The following CTXND1 variants were observed in gnomAD, a reference collection of about 807,000 sequenced individuals.
The protein encoded by CTXND1 is cortexin domain-containing 1 protein.
At chr15:80,202,280 C>A (rs1893082600) in intron 2 of CTXND1, among the ~76,000 whole-genome samples, 1 of 151,852 alleles carries the variant, frequency 6.6e-6, no homozygotes, top group Non-Finnish European at 1.5e-5. Flanking sequence ...AGATGAGTCC[C>A]AGCAGGCATG....
intron 1 of CTXND1, among the ~76,000 whole-genome samples, chr15:80,248,631 C>T (rs751433186): frequency 3.3e-5 from 5 of 152,142 alleles, no homozygotes; most frequent in Non-Finnish European, 5.9e-5. Context: ...GAGGGAGGTG[C>T]GACAAATGTA....
chr15:80,207,412 G>C (rs1363508642), intron 1 of CTXND1, among the ~76,000 whole-genome samples: 1 of 151,714 alleles, frequency 6.6e-6, no homozygotes, highest in East Asian at 1.9e-4. Context: ...TTTCCCTTCA[G>C]CCATACTTTT....
At chr15:80,214,320 T>C (rs1035190334) in intron 1 of CTXND1, among the ~76,000 whole-genome samples, 20 of 152,184 alleles carry the variant, frequency 1.3e-4, no homozygotes, top group African/African-American at 4.6e-4. Context: ...ATTTGAATAA[T>C]ACAATTAATT....
chr15:80,232,572 G>A (rs1893443291), intron 1 of CTXND1, among the ~76,000 whole-genome samples: 1 of 152,094 alleles, frequency 6.6e-6, no homozygotes, highest in Admixed American at 6.5e-5. Context: ...TGGCACAAAC[G>A]CTCTTGCTCA....
intron 1 of CTXND1, among the ~76,000 whole-genome samples, chr15:80,211,436 C>T (rs967072399): frequency 6.6e-6 from 1 of 152,284 alleles, no homozygotes; most frequent in African/African-American, 2.4e-5. Flanking sequence ...ATGGCATTTG[C>T]TCAGGACAGA....
chr15:80,237,374 A>G (rs1893514519), intron 1 of CTXND1, among the ~76,000 whole-genome samples: 1 of 151,476 alleles, frequency 6.6e-6, no homozygotes, highest in Non-Finnish European at 1.5e-5. Context: ...AAAAGAAAAC[A>G]GTGAATTATA....
At chr15:80,238,486 G>GGTT (rs1567134580) in intron 1 of CTXND1, among the ~76,000 whole-genome samples, 1 of 133,630 alleles carries the variant, frequency 7.5e-6, no homozygotes, top group Non-Finnish European at 1.6e-5. Context: ...AACCATGTTT[G>GGTT]TTTTTTTTTT....
At chr15:80,226,976 C>T (rs187295192) in intron 1 of CTXND1, among the ~76,000 whole-genome samples, 1 of 152,282 alleles carries the variant, frequency 6.6e-6, no homozygotes, top group East Asian at 1.9e-4. Context: ...TTTTCCCCAT[C>T]TCTTTGCTCT....
intron 1 of CTXND1, among the ~76,000 whole-genome samples, chr15:80,220,805 ATTAG>A (rs1424948522): frequency 6.6e-5 from 10 of 151,774 alleles, no homozygotes; most frequent in Non-Finnish European, 1.3e-4. Context: ...ACACCTTATA[ATTAG>A]TTATTGTTGG....
rs1383530237 is a variant in CTXND1 at position 80,197,509 on chromosome 15, A to T, written c.*4261T>A. 1.3e-5 allele frequency: 2 copies of T among 152,294 alleles called. No homozygotes were observed. Among genetic ancestry groups the T allele is most frequent in the Non-Finnish European group, 2.9e-5 (2 of 68,094 alleles). The allele number at this position is 152,294 out of a possible 1,614,324, so 9.4% of individuals were successfully genotyped here. ...GCCAAGACACTGAAAAGTCCCAAGG[A>T]GAACCCTCCTAAAGGGAGAGAGTCT... On this transcript the variant is annotated 3_prime_UTR_variant, in exon 3 of 3. Transcript: ENST00000560778.
At chr15:80,239,204 G>A (rs1893537269) in intron 1 of CTXND1, among the ~76,000 whole-genome samples, 1 of 152,128 alleles carries the variant, frequency 6.6e-6, no homozygotes, top group Non-Finnish European at 1.5e-5. Context: ...CCCTCCCTGA[G>A]CCCCACAGTC....
intron 1 of CTXND1, among the ~76,000 whole-genome samples, chr15:80,204,143 T>C (rs767442040): frequency 3.7e-4 from 2 of 5,424 alleles, no homozygotes; most frequent in African/African-American, 4.5e-4. Flanking sequence ...CAAGACTGTG[T>C]CTCAAAAAAA....
At chr15:80,244,224 T>C (rs1893603836) in intron 1 of CTXND1, among the ~76,000 whole-genome samples, 1 of 152,218 alleles carries the variant, frequency 6.6e-6, no homozygotes, top group African/African-American at 2.4e-5. Context: ...GCTAATGCCT[T>C]CTTTCCTCTG....
intron 1 of CTXND1, among the ~76,000 whole-genome samples, chr15:80,238,883 T>C (rs976437624): frequency 2.0e-5 from 3 of 152,226 alleles, no homozygotes; most frequent in Non-Finnish European, 4.4e-5. Context: ...CTACACTGTA[T>C]AGCCTAGGTG....
At chr15:80,203,913 T>C (rs1893114749) in intron 1 of CTXND1, among the ~76,000 whole-genome samples, 173 bp from the exon 2 acceptor site, 1 of 151,694 alleles carries the variant, frequency 6.6e-6, no homozygotes, top group Non-Finnish European at 1.5e-5. Flanking sequence ...TTCAAGTCTG[T>C]AATCCCAGCA....
intron 1 of CTXND1, among the ~76,000 whole-genome samples, chr15:80,217,605 G>A (rs115607198): frequency 0.014 from 2,139 of 151,938 alleles, 37 homozygotes; most frequent in African/African-American, 0.037. Context: ...GGAGTGCAGT[G>A]GCAAAATCTC....
At chr15:80,205,330 C>T (rs1893137016) in intron 1 of CTXND1, among the ~76,000 whole-genome samples, 1 of 152,158 alleles carries the variant, frequency 6.6e-6, no homozygotes, top group African/African-American at 2.4e-5. Flanking sequence ...TCATTTTGCA[C>T]ATGTCTGAGT....
chr15:80,196,941 AT>A lies in CTXND1; in HGVS notation c.*4828del, dbSNP rs2041423334. On this transcript the variant is annotated 3_prime_UTR_variant, in exon 3 of 3. Coordinates refer to ENST00000560778, the MANE Select transcript of CTXND1 (RefSeq NM_001352888.2). ...TCCTCTAGCTGTGGCCAGGGCTTCC[AT>A]TGGGTGACTCCTTCTCCATGGCTAT... 1 of 152,294 alleles carries A rather than the reference AT, an allele frequency of 6.6e-6. No individual in the cohort carries two copies. The highest frequency in any genetic ancestry group is 1.5e-5 in the Non-Finnish European group (1 of 68,186). The allele number at this position is 152,294 out of a possible 1,614,324, so 9.4% of individuals were successfully genotyped here. A position where few individuals can be genotyped will look rare whatever the true frequency, so the allele number is the denominator to read the frequency against.
At chr15:80,229,177 C>G (rs188811009) in intron 1 of CTXND1, among the ~76,000 whole-genome samples, 2 of 152,138 alleles carry the variant, frequency 1.3e-5, no homozygotes, top group Non-Finnish European at 2.9e-5. Flanking sequence ...TCCCCACTCA[C>G]CTGGCTCCTG....
Sources: gnomAD v4.1 joint callset for allele counts (sites outside exome capture counted in the v4.1 genomes callset) on GRCh38, gnomAD v4.1.1 for gene constraint, MANE v1.5 for transcripts, NCBI Gene and HGNC (gene_info 2026-07-23, HGNC 2026-07-21) for gene names.